Variants in CCSER1 observed in about 807,000 individuals in gnomAD.
The protein encoded by CCSER1 is serine-rich coiled-coil domain-containing protein 1.
Under a neutral mutation model 82.0 loss-of-function variants are expected in CCSER1, and 41 were observed. That is an observed-to-expected ratio of 0.50 (90% CI 0.39 to 0.65). The LOEUF (loss-of-function observed/expected upper bound fraction) is 0.65, where lower values mean the gene tolerates loss of function less well. CCSER1 is among the 30% of genes least tolerant of loss of function. CCSER1 has a pLI of 0.00. For synonymous variants in CCSER1, 414 were observed against 383.9 expected, an observed-to-expected ratio of 1.08 and a Z score of -0.92; for missense variants, 1,119 against 1,064.2, an observed-to-expected ratio of 1.05 and a Z score of -0.72.
intron 8 of CCSER1, among the ~76,000 whole-genome samples, chr4:90,893,039 C>G (rs1335634608): frequency 6.6e-6 from 1 of 152,002 alleles, no homozygotes; most frequent in African/African-American, 2.4e-5. Context: ...TCTCAGGCAC[C>G]TACTTCGTTT....
intron 10 of CCSER1, among the ~76,000 whole-genome samples, chr4:91,533,060 C>T (rs1761115520): frequency 6.6e-6 from 1 of 151,958 alleles, no homozygotes; most frequent in African/African-American, 2.4e-5. Context: ...ACATTAGGCA[C>T]TAGGAATACA....
At chr4:90,213,111 A>C (rs890327844) in intron 1 of CCSER1, among the ~76,000 whole-genome samples, 1 of 152,176 alleles carries the variant, frequency 6.6e-6, no homozygotes, top group Non-Finnish European at 1.5e-5. Flanking sequence ...TGACAGGTGC[A>C]CTCTGGCATC....
chr4:90,856,128 T>C (rs906733372), intron 8 of CCSER1, among the ~76,000 whole-genome samples: 1 of 152,128 alleles, frequency 6.6e-6, no homozygotes, highest in Non-Finnish European at 1.5e-5. Context: ...CCCCCCATCT[T>C]CCTTTCTTCC....
At chr4:91,154,893 A>T (rs191849025) in intron 10 of CCSER1, among the ~76,000 whole-genome samples, 73 of 152,072 alleles carry the variant, frequency 4.8e-4, no homozygotes, top group African/African-American at 1.7e-3. Flanking sequence ...CCATTTACAG[A>T]TGAGGAAGTA....
At chr4:90,398,191 T>C (rs543330951) in intron 3 of CCSER1, among the ~76,000 whole-genome samples, 1 of 152,320 alleles carries the variant, frequency 6.6e-6, no homozygotes, top group Admixed American at 6.5e-5. Flanking sequence ...TGTCCTAATC[T>C]ATTCTTATAA....
chr4:90,360,152 C>A (rs960036887), intron 3 of CCSER1, among the ~76,000 whole-genome samples: 3 of 147,548 alleles, frequency 2.0e-5, no homozygotes, highest in Non-Finnish European at 3.0e-5. Flanking sequence ...CTCCTGACCT[C>A]GTGATCCGCC....
At position 91,269,359 on chromosome 4, in the gene CCSER1, C is replaced by T. The variant is rs535071621; in HGVS notation, c.2217+183365C>T. Reference sequence around the variant, plus strand: ...TGAATACTTTCAAATTTCGGGGAATCGCCAAGCATTTTACAGACTACGTGT... The same window carrying T: ...TGAATACTTTCAAATTTCGGGGAATTGCCAAGCATTTTACAGACTACGTGT... On this transcript the variant is annotated intron_variant, in intron 10 of 10. Coordinates refer to ENST00000509176, the MANE Select transcript of CCSER1 (RefSeq NM_001145065.2). Among the ~76,000 whole-genome samples the T allele has an allele frequency of 1.4e-4, 21 of 152,308 alleles. No individual in the cohort carries two copies. In the East Asian group the frequency reaches 3.3e-3, roughly 24 times the overall value.
At chr4:90,336,580 A>G (rs914126275) in intron 3 of CCSER1, among the ~76,000 whole-genome samples, 3 of 152,196 alleles carry the variant, frequency 2.0e-5, no homozygotes, top group South Asian at 2.1e-4. Flanking sequence ...TAATAAATTT[A>G]TGATTTCCCT....
chr4:91,518,538 C>G (rs1560732932), intron 10 of CCSER1, among the ~76,000 whole-genome samples: 1 of 152,116 alleles, frequency 6.6e-6, no homozygotes, highest in Non-Finnish European at 1.5e-5. Context: ...TGGAGCTGCT[C>G]CTACTGAGAC....
At chr4:91,028,606 G>A (rs563767762) in intron 9 of CCSER1, among the ~76,000 whole-genome samples, 13 of 151,866 alleles carry the variant, frequency 8.6e-5, no homozygotes, top group Non-Finnish European at 1.8e-4. Flanking sequence ...ATGAATATTA[G>A]CAATACAATT....
At chr4:90,914,605 A>G (rs564968028) in intron 8 of CCSER1, among the ~76,000 whole-genome samples, 4 of 152,196 alleles carry the variant, frequency 2.6e-5, no homozygotes, top group African/African-American at 9.6e-5. Context: ...AAGAGCAAAC[A>G]CATTCAAAGC....
chr4:90,522,360 T>G (rs938403008), intron 5 of CCSER1, among the ~76,000 whole-genome samples: 1 of 152,186 alleles, frequency 6.6e-6, no homozygotes, highest in South Asian at 2.1e-4. Flanking sequence ...GTGTCACAGC[T>G]TTAGGTCACA....
At chr4:90,963,827 T>G (rs1734276694) in intron 9 of CCSER1, among the ~76,000 whole-genome samples, 2 of 152,226 alleles carry the variant, frequency 1.3e-5, no homozygotes, top group African/African-American at 2.4e-5. Context: ...TATTGCCTTA[T>G]GATCTATTGA....
chr4:90,600,553 G>A (rs1240800395), intron 5 of CCSER1, among the ~76,000 whole-genome samples: 2 of 151,794 alleles, frequency 1.3e-5, no homozygotes. Context: ...TCTATATTTT[G>A]GATACATGTC....
intron 5 of CCSER1, among the ~76,000 whole-genome samples, chr4:90,606,932 T>A (rs1397206126): frequency 1.3e-5 from 2 of 152,216 alleles, no homozygotes; most frequent in African/African-American, 4.8e-5. Context: ...TTTAAAAACA[T>A]AACATTACAG....
At chr4:90,345,690 T>C (rs1742188472) in intron 3 of CCSER1, among the ~76,000 whole-genome samples, 1 of 152,036 alleles carries the variant, frequency 6.6e-6, no homozygotes, top group South Asian at 2.1e-4. Context: ...AGCACAACCA[T>C]GAACAACACA....
At chr4:90,400,292 G>A (rs1752628957) in intron 4 of CCSER1, among the ~76,000 whole-genome samples, 163 bp downstream of exon 4, 1 of 151,942 alleles carries the variant, frequency 6.6e-6, no homozygotes, top group Non-Finnish European at 1.5e-5. Flanking sequence ...CATAATTTGG[G>A]TGCGTTAAAT....
At chr4:90,204,746 TG>T (rs1738457673) in intron 1 of CCSER1, among the ~76,000 whole-genome samples, 1 of 152,342 alleles carries the variant, frequency 6.6e-6, no homozygotes, top group South Asian at 2.1e-4. Flanking sequence ...AATGGTAGCT[TG>T]ATGGGGATAG....
At chr4:90,990,482 T>C (rs919632380) in intron 9 of CCSER1, among the ~76,000 whole-genome samples, 1 of 151,982 alleles carries the variant, frequency 6.6e-6, no homozygotes, top group Non-Finnish European at 1.5e-5. Context: ...CAAAGTTTCA[T>C]CAGCACTCTG....
Sources: gnomAD v4.1 joint callset for allele counts (sites outside exome capture counted in the v4.1 genomes callset) on GRCh38, gnomAD v4.1.1 for gene constraint, MANE v1.5 for transcripts, NCBI Gene and HGNC (gene_info 2026-07-23, HGNC 2026-07-21) for gene names.